The following NFYB variants were observed in gnomAD, a reference collection of about 807,000 sequenced individuals.
NFYB encodes CAAT box DNA-binding protein subunit B.
A neutral mutation model predicts 28.0 loss-of-function variants in NFYB; 13 were observed. That is an observed-to-expected ratio of 0.46 (90% CI 0.30 to 0.74). The LOEUF (loss-of-function observed/expected upper bound fraction) is 0.74. Ranked by LOEUF, NFYB falls within the 30% of genes least tolerant of loss-of-function variation. NFYB has a pLI of 0.07. For missense variants in NFYB, 142 were observed against 247.6 expected, an observed-to-expected ratio of 0.57 and a Z score of 2.86; for synonymous variants, 74 against 75.0, an observed-to-expected ratio of 0.99 and a Z score of 0.07.
chr12:104,137,565 C>G (rs1381906559), intron 1 of NFYB: 1 of 152,238 alleles, frequency 6.6e-6, no homozygotes, highest in African/African-American at 2.4e-5. Context: ...AGCGCATCCC[C>G]TGACTCGCCC....
At position 104,118,749 on chromosome 12, in the gene NFYB, C is replaced by T. The variant is rs2030355215; in HGVS notation, c.*988G>A. The T allele has an allele frequency of 6.6e-6, 1 of 152,108 alleles. No individual in the cohort carries two copies. Among genetic ancestry groups the T allele is most frequent in the African/African-American group, 2.4e-5 (1 of 41,428 alleles). 9.4% of individuals were successfully genotyped at this position (152,108 alleles called of 1,614,324 possible). On this transcript the variant is annotated 3_prime_UTR_variant, in exon 8 of 8. Coordinates refer to ENST00000240055, the MANE Select transcript of NFYB (RefSeq NM_006166.4). ...ACAGCACTCACTCTGTTCTCCATTT[C>T]ATCCACTCACCCATGCAAAAGGTCT...
chr12:104,123,716 T>C (rs1362908956), intron 4 of NFYB, among the ~76,000 whole-genome samples: 1 of 152,114 alleles, frequency 6.6e-6, no homozygotes, highest in African/African-American at 2.4e-5. Context: ...TCCCAGCACT[T>C]TGGGAGGCCG....
chr12:104,125,862 A>C (rs891385166), intron 4 of NFYB, among the ~76,000 whole-genome samples: 1 of 151,208 alleles, frequency 6.6e-6, no homozygotes, highest in African/African-American at 2.4e-5. Context: ...AAAAAAAAAA[A>C]AAAAAAAAAA....
intron 3 of NFYB, among the ~76,000 whole-genome samples, chr12:104,127,298 G>T (rs1020170249): frequency 2.0e-5 from 3 of 152,066 alleles, no homozygotes; most frequent in Non-Finnish European, 4.4e-5. Context: ...CAGGCCAGGC[G>T]TGGTGGCTCA....
chr12:104,137,419 T>C (rs2031145035), intron 1 of NFYB: 1 of 152,326 alleles, frequency 6.6e-6, no homozygotes, highest in East Asian at 1.9e-4. Context: ...GATGGCTGCA[T>C]TCTTTACGCG....
At chr12:104,120,601 G>T in intron 6 of NFYB, 122 bp from the exon 7 acceptor site, 1 of 645,426 alleles carries the variant, frequency 1.5e-6, no homozygotes, top group South Asian at 2.0e-5. Flanking sequence ...ATGTAGTCTT[G>T]GACAAAATAA....
chr12:104,126,797 C>T (rs1248001276), intron 3 of NFYB, among the ~76,000 whole-genome samples: 1 of 152,116 alleles, frequency 6.6e-6, no homozygotes, highest in Non-Finnish European at 1.5e-5. Flanking sequence ...TTGTATGTTT[C>T]TCCAAACCCA....
intron 3 of NFYB, among the ~76,000 whole-genome samples, chr12:104,127,364 G>A (rs1008648641): frequency 3.3e-5 from 5 of 152,018 alleles, no homozygotes; most frequent in Non-Finnish European, 5.9e-5. Flanking sequence ...CTGAGGTCAC[G>A]AGTTTGAGAC....
Position 104,128,525 on chromosome 12 carries a change from G to T in NFYB, c.7-8C>A. 2 of 1,599,272 alleles carry T rather than the reference G, an allele frequency of 1.3e-6. No individual in the cohort carries two copies. The highest frequency in any genetic ancestry group is 8.6e-7 in the Non-Finnish European group (1 of 1,168,800). Reference sequence around the variant, plus strand: ...AGAACTGTCACCATCCATCTATGAGGAGAAAAACAGTTTTTCAATACTTTT... The same window carrying T: ...AGAACTGTCACCATCCATCTATGAGTAGAAAAACAGTTTTTCAATACTTTT... On this transcript the variant is annotated splice_region_variant and splice_polypyrimidine_tract_variant and intron_variant, in intron 2 of 7. Transcript: ENST00000240055.
intron 1 of NFYB, among the ~76,000 whole-genome samples, chr12:104,136,869 C>A (rs1373663224): frequency 2.6e-5 from 4 of 152,188 alleles, no homozygotes; most frequent in Non-Finnish European, 4.4e-5. Flanking sequence ...CCAAGAAAAG[C>A]AGTAGTCCCT....
intron 2 of NFYB, among the ~76,000 whole-genome samples, chr12:104,133,637 A>G (rs1190029530): frequency 6.6e-6 from 1 of 152,252 alleles, no homozygotes; most frequent in South Asian, 2.1e-4. Flanking sequence ...ATGTAATCTT[A>G]GTATTGCCCC....
chr12:104,131,867 C>T, intron 2 of NFYB: 3 of 445,532 alleles, frequency 6.7e-6, no homozygotes, highest in South Asian at 4.8e-5. Context: ...GGGTAGAGAA[C>T]AGAGCCTATT....
intron 1 of NFYB, among the ~76,000 whole-genome samples, chr12:104,136,029 A>G (rs2031087536): frequency 6.6e-6 from 1 of 152,200 alleles, no homozygotes; most frequent in South Asian, 2.1e-4. Context: ...ATCTGAGAAT[A>G]TAATGCTTTT....
chr12:104,130,623 T>C (rs370863247), intron 2 of NFYB, among the ~76,000 whole-genome samples: 1 of 152,234 alleles, frequency 6.6e-6, no homozygotes, highest in Non-Finnish European at 1.5e-5. Flanking sequence ...CAATTAAATG[T>C]ATTTCCATAT....
At chr12:104,127,635 T>G (rs982408597) in intron 3 of NFYB, among the ~76,000 whole-genome samples, 5 of 149,160 alleles carry the variant, frequency 3.4e-5, no homozygotes, top group African/African-American at 1.2e-4. Flanking sequence ...AAAAGTAAAT[T>G]ATTTCTGATA....
chr12:104,122,593 A>AG (rs1299752103), intron 5 of NFYB, among the ~76,000 whole-genome samples: 2 of 152,208 alleles, frequency 1.3e-5, no homozygotes, highest in African/African-American at 4.8e-5. Context: ...TGCGCATGCA[A>AG]GGGATCTAGG....
At position 104,118,921 on chromosome 12, in the gene NFYB, G is replaced by A. The variant is rs1053578120; in HGVS notation, c.*816C>T. ...AGAATACTATAGTACTTGAAGATAT[G>A]ATTTGAAAAAAAATCATGTACCAAA... On this transcript the variant is annotated 3_prime_UTR_variant, in exon 8 of 8. Transcript: ENST00000240055. 6.6e-6 allele frequency: 1 copy of A among 151,912 alleles called. No individual in the cohort carries two copies. Among genetic ancestry groups the A allele is most frequent in the African/African-American group, 2.4e-5 (1 of 41,336 alleles). The allele number at this position is 151,912 out of a possible 1,614,324, so 9.4% of individuals were successfully genotyped here.
At chr12:104,135,298 A>G (rs977755364) in intron 2 of NFYB, 150 bp downstream of exon 2, 9 of 577,414 alleles carry the variant, frequency 1.6e-5, no homozygotes, top group Non-Finnish European at 2.6e-5. Flanking sequence ...GAAAATAAGG[A>G]AGCAACAGGA....
At chr12:104,133,019 G>A (rs1046075232) in intron 2 of NFYB, among the ~76,000 whole-genome samples, 3 of 152,146 alleles carry the variant, frequency 2.0e-5, no homozygotes, top group African/African-American at 7.2e-5. Flanking sequence ...AATTATTCTT[G>A]AAAATATTAT....
Sources: allele counts gnomAD v4.1 joint callset (sites outside exome capture counted in the v4.1 genomes callset), GRCh38; gene constraint gnomAD v4.1.1; transcripts MANE v1.5; gene names NCBI Gene and HGNC (gene_info 2026-07-23, HGNC 2026-07-21).